Variants in TSPAN5 observed in about 807,000 individuals in gnomAD.
TSPAN5 encodes the protein tetraspanin 5, also known as tetraspanin-5.
A neutral mutation model predicts 37.1 loss-of-function variants in TSPAN5; 10 were observed. That is an observed-to-expected ratio of 0.27 (90% confidence interval 0.17 to 0.46). The LOEUF is 0.46. Among genes scored for constraint, TSPAN5 ranks in the 20% least tolerant of loss-of-function variants. The pLI is 1.00. For missense variants in TSPAN5, 195 were observed against 326.6 expected, an observed-to-expected ratio of 0.60 and a Z score of 3.11; for synonymous variants, 110 against 118.9, an observed-to-expected ratio of 0.93 and a Z score of 0.48.
chr4:98,541,462 G>T (rs1281983629), intron 1 of TSPAN5, among the ~76,000 whole-genome samples: 10 of 151,954 alleles, frequency 6.6e-5, no homozygotes, highest in African/African-American at 1.9e-4. Flanking sequence ...ATCACTTGAG[G>T]CCAGGAGATC....
intron 1 of TSPAN5, among the ~76,000 whole-genome samples, chr4:98,581,881 A>G (rs914000522): frequency 6.6e-6 from 1 of 152,200 alleles, no homozygotes; most frequent in Non-Finnish European, 1.5e-5. Context: ...TTAGGGGTAT[A>G]CAGTAAATGC....
At chr4:98,534,370 G>T (rs1390836815) in intron 1 of TSPAN5, among the ~76,000 whole-genome samples, 1 of 152,140 alleles carries the variant, frequency 6.6e-6, no homozygotes, top group East Asian at 1.9e-4. Context: ...ACTGCACTGT[G>T]GTCTGACAGA....
intron 3 of TSPAN5, chr4:98,484,396 T>G (rs1228037899): frequency 2.2e-6 from 1 of 455,492 alleles, no homozygotes; most frequent in South Asian, 1.6e-5. Flanking sequence ...ACTTATCTCA[T>G]ACCTTCTGTT....
intron 1 of TSPAN5, among the ~76,000 whole-genome samples, chr4:98,549,979 A>G (rs893036568): frequency 4.6e-5 from 7 of 152,096 alleles, no homozygotes; most frequent in Non-Finnish European, 1.0e-4. Context: ...AATGTCCAGA[A>G]GAGTTTTTCC....
intron 1 of TSPAN5, among the ~76,000 whole-genome samples, chr4:98,590,031 G>T (rs915151615): frequency 6.6e-6 from 1 of 151,912 alleles, no homozygotes; most frequent in Admixed American, 6.6e-5. Context: ...CCTACTGTAC[G>T]AAATTCCAGT....
At chr4:98,474,776 C>T (rs1307471854) in intron 7 of TSPAN5, among the ~76,000 whole-genome samples, 1 of 152,030 alleles carries the variant, frequency 6.6e-6, no homozygotes, top group East Asian at 1.9e-4. Context: ...TGGGCTCAAG[C>T]AATCCTCCCA....
chr4:98,553,982 G>A lies in TSPAN5; in HGVS notation c.82-46254C>T, dbSNP rs777686625. 8.6e-5 allele frequency among the ~76,000 whole-genome samples: 13 copies of A among 152,026 alleles called. No homozygotes were observed. The South Asian group carries it at 1.2e-3, about 15-fold the overall frequency. On this transcript the variant is annotated intron_variant, in intron 1 of 7. Transcript: ENST00000305798. ...CTCAGGAGGCTGAGGCAGGAGAATC[G>A]CTTGAACTGGGGAGGCGGAAGTTGC...
intron 1 of TSPAN5, among the ~76,000 whole-genome samples, chr4:98,551,884 T>C (rs1225094348): frequency 6.6e-6 from 1 of 152,146 alleles, no homozygotes; most frequent in Non-Finnish European, 1.5e-5. Flanking sequence ...ACTGATTCAA[T>C]TTCACTACTC....
chr4:98,557,650 G>A (rs1223012517), intron 1 of TSPAN5, among the ~76,000 whole-genome samples: 3 of 152,180 alleles, frequency 2.0e-5, no homozygotes, highest in Non-Finnish European at 4.4e-5. Context: ...GCTGTACGTA[G>A]TGGCCTCCTT....
intron 2 of TSPAN5, among the ~76,000 whole-genome samples, chr4:98,497,210 C>T (rs116456362): frequency 0.011 from 1,689 of 150,714 alleles, 30 homozygotes; most frequent in African/African-American, 0.038. Context: ...CCCAGCTACT[C>T]GGAAGGCTGA....
intron 1 of TSPAN5, among the ~76,000 whole-genome samples, chr4:98,640,086 C>G (rs551841860): frequency 4.0e-4 from 61 of 152,076 alleles, no homozygotes; most frequent in Non-Finnish European, 8.1e-4. Context: ...ATTTAAAATG[C>G]CAGACTCCTT....
At chr4:98,533,946 A>AAAAAAAAAAAAAAC (rs1754168006) in intron 1 of TSPAN5, among the ~76,000 whole-genome samples, 1 of 140,256 alleles carries the variant, frequency 7.1e-6, no homozygotes, top group Non-Finnish European at 1.6e-5. Flanking sequence ...TCTTAAAAAA[A>AAAAAAAAAAAAAAC]AAAAAAAAAA....
chr4:98,556,354 T>C (rs975796033), intron 1 of TSPAN5, among the ~76,000 whole-genome samples: 144 of 152,286 alleles, frequency 9.5e-4, no homozygotes, highest in African/African-American at 3.3e-3. Flanking sequence ...GATAAAGCAC[T>C]GGGAAGCAGA....
At chr4:98,523,939 A>C (rs1254460595) in intron 1 of TSPAN5, among the ~76,000 whole-genome samples, 1 of 152,224 alleles carries the variant, frequency 6.6e-6, no homozygotes, top group Admixed American at 6.5e-5. Flanking sequence ...CCATAAATAC[A>C]GACTATTGCC....
chr4:98,537,009 T>C (rs1754250421), intron 1 of TSPAN5, among the ~76,000 whole-genome samples: 2 of 152,120 alleles, frequency 1.3e-5, no homozygotes, highest in Non-Finnish European at 2.9e-5. Flanking sequence ...GAGTGAATGG[T>C]TGTCTCGTTG....
chr4:98,486,670 T>C (rs990776411), intron 3 of TSPAN5, 68 bp downstream of exon 3: 7 of 1,580,616 alleles, frequency 4.4e-6, no homozygotes, highest in South Asian at 1.1e-5. Flanking sequence ...TGCCTGTAGA[T>C]AGGGTGACCT....
chr4:98,545,884 T>C (rs1406255159), intron 1 of TSPAN5, among the ~76,000 whole-genome samples: 1 of 152,130 alleles, frequency 6.6e-6, no homozygotes, highest in Admixed American at 6.6e-5. Context: ...AGAAGGAAAA[T>C]GTAATCCAAC....
intron 1 of TSPAN5, among the ~76,000 whole-genome samples, chr4:98,636,776 T>C (rs1182957195): frequency 6.6e-6 from 1 of 152,160 alleles, no homozygotes; most frequent in African/African-American, 2.4e-5. Flanking sequence ...AGACTATTAA[T>C]TCACAAAAAA....
intron 2 of TSPAN5, among the ~76,000 whole-genome samples, chr4:98,492,460 A>C (rs1266217900): frequency 6.6e-6 from 1 of 152,170 alleles, no homozygotes; most frequent in East Asian, 1.9e-4. Context: ...TTGATTGCTT[A>C]TGCTGGTTCT....
Sources: allele counts gnomAD v4.1 joint callset (sites outside exome capture counted in the v4.1 genomes callset), GRCh38; gene constraint gnomAD v4.1.1; transcripts MANE v1.5; gene names NCBI Gene and HGNC (gene_info 2026-07-23, HGNC 2026-07-21).